ELAVL4: variants seen among roughly 807,000 people sequenced by gnomAD.
ELAVL4 encodes ELAV-like protein 4.
Under a neutral mutation model 35.6 loss-of-function variants are expected in ELAVL4, and 1 was observed. The ratio of observed to expected loss-of-function variants is 0.03; its 90% CI spans 0.01 to 0.13. ELAVL4 has a LOEUF of 0.13. Among genes scored for constraint, ELAVL4 ranks in the 10% least tolerant of loss-of-function variants. The pLI is 1.00. For synonymous variants in ELAVL4, 156 were observed against 171.0 expected (o/e 0.91, Z 0.69); for missense variants, 267 against 464.9 (o/e 0.57, Z 3.91).
intron 2 of ELAVL4, among the ~76,000 whole-genome samples, chr1:50,149,445 C>G (rs889569820): frequency 6.6e-6 from 1 of 151,540 alleles, no homozygotes; most frequent in Non-Finnish European, 1.5e-5. Flanking sequence ...ACAGTTTTGA[C>G]CTGCCTATTT....
intron 1 of ELAVL4, among the ~76,000 whole-genome samples, chr1:50,055,551 G>A (rs965548805): frequency 4.6e-5 from 7 of 151,880 alleles, no homozygotes; most frequent in South Asian, 2.1e-4. Context: ...CACCCGCCTC[G>A]GCCTCCCAAA....
chr1:50,177,567 T>C (rs1680263395), intron 3 of ELAVL4, among the ~76,000 whole-genome samples: 1 of 152,084 alleles, frequency 6.6e-6, no homozygotes. Flanking sequence ...GCTGTGAAAA[T>C]GTAAGACGTT....
chr1:50,071,178 C>T (rs1664500365), intron 1 of ELAVL4, among the ~76,000 whole-genome samples: 1 of 152,208 alleles, frequency 6.6e-6, no homozygotes, highest in Non-Finnish European at 1.5e-5. Flanking sequence ...ATCATTCTGC[C>T]TATCCACCTT....
intron 2 of ELAVL4, among the ~76,000 whole-genome samples, chr1:50,145,783 C>T (rs773949647): frequency 3.9e-5 from 6 of 152,110 alleles, no homozygotes; most frequent in Admixed American, 6.6e-5. Context: ...TCTGTCTGTT[C>T]GTTTTGAAGA....
intron 1 of ELAVL4, among the ~76,000 whole-genome samples, chr1:50,062,994 C>T (rs1664075424): frequency 6.6e-6 from 1 of 152,132 alleles, no homozygotes; most frequent in Admixed American, 6.5e-5. Context: ...GAACAAAAAG[C>T]ACAGTCTCTG....
chr1:50,098,023 G>A (rs1215029537), intron 1 of ELAVL4, among the ~76,000 whole-genome samples: 1 of 152,142 alleles, frequency 6.6e-6, no homozygotes, highest in African/African-American at 2.4e-5. Flanking sequence ...TGAACAAGAT[G>A]TAAGTTTTAA....
In ELAVL4 at chr1:50,067,983, A is replaced by G. The variant is rs562958299; in HGVS notation, c.18+19801A>G. Among the ~76,000 whole-genome samples, 8 of 152,290 alleles carry G rather than the reference A, an allele frequency of 5.3e-5. No homozygotes were observed. The South Asian group carries it at 1.2e-3, about 24-fold the overall frequency. Reference sequence around the variant, plus strand: ...TGCCGCCATGATTCAGTTACCTCCCACCGGGTCTCTCCCACAACACGTGGG... The same window carrying G: ...TGCCGCCATGATTCAGTTACCTCCCGCCGGGTCTCTCCCACAACACGTGGG... On this transcript the variant is annotated intron_variant, in intron 1 of 6. Transcript: ENST00000448907.
upstream of ELAVL4, among the ~76,000 whole-genome samples, chr1:50,099,577 A>AAAAG (rs1476747269): frequency 1.2e-4 from 18 of 151,438 alleles, no homozygotes; most frequent in African/African-American, 2.7e-4. Context: ...AAAAAAAAAA[A>AAAAG]AAAGAAAGAA....
At chr1:50,160,364 A>C (rs1203687795) in intron 2 of ELAVL4, among the ~76,000 whole-genome samples, 3 of 152,104 alleles carry the variant, frequency 2.0e-5, no homozygotes, top group Admixed American at 2.0e-4. Flanking sequence ...ATTTTGCCTT[A>C]TTTCCTACCT....
At chr1:50,118,686 T>G (rs2148577116) in intron 1 of ELAVL4, among the ~76,000 whole-genome samples, 1 of 152,042 alleles carries the variant, frequency 6.6e-6, no homozygotes, top group Middle Eastern at 3.4e-3. Flanking sequence ...AATTCACAAA[T>G]TGTTCTAAAT....
At chr1:50,098,709 T>C (rs1016949258) in intron 1 of ELAVL4, among the ~76,000 whole-genome samples, 7 of 152,212 alleles carry the variant, frequency 4.6e-5, no homozygotes, top group Admixed American at 3.3e-4. Context: ...AGTTAAATCA[T>C]TTCCCCAGCT....
chr1:50,121,707 T>A (rs1669069394), intron 1 of ELAVL4, among the ~76,000 whole-genome samples: 1 of 152,092 alleles, frequency 6.6e-6, no homozygotes, highest in Non-Finnish European at 1.5e-5. Flanking sequence ...ATCTCTAGTA[T>A]CTTCTGAGTT....
intron 2 of ELAVL4, among the ~76,000 whole-genome samples, chr1:50,159,693 T>C (rs1203720883): frequency 6.6e-6 from 1 of 152,118 alleles, no homozygotes; most frequent in South Asian, 2.1e-4. Flanking sequence ...AATGGCATAA[T>C]ATGGAGCATT....
chr1:50,183,618 C>T (rs781319284), intron 3 of ELAVL4, among the ~76,000 whole-genome samples: 8 of 152,166 alleles, frequency 5.3e-5, no homozygotes, highest in Non-Finnish European at 1.0e-4. Context: ...ACAGTGCCTC[C>T]GGGGGTCTTT....
upstream of ELAVL4, chr1:50,103,850 G>A: frequency 6.5e-7 from 1 of 1,530,532 alleles, no homozygotes; most frequent in South Asian, 1.2e-5. Context: ...CAGACAGCCG[G>A]AACAGGAGGA....
chr1:50,108,124 C>T (rs562602001), upstream of ELAVL4, among the ~76,000 whole-genome samples: 1 of 152,270 alleles, frequency 6.6e-6, no homozygotes, highest in East Asian at 1.9e-4. Flanking sequence ...TCCTATCCAA[C>T]TTGAAAAATA....
At chr1:50,145,473 C>A (rs1003761795) in intron 2 of ELAVL4, among the ~76,000 whole-genome samples, 2 of 152,090 alleles carry the variant, frequency 1.3e-5, no homozygotes, top group African/African-American at 4.8e-5. Flanking sequence ...CCATTCCTTC[C>A]CTTTGTTCTA....
At chr1:50,167,023 T>C (rs191433361) in intron 2 of ELAVL4, among the ~76,000 whole-genome samples, 1,919 of 152,170 alleles carry the variant, frequency 0.013, 28 homozygotes, top group Non-Finnish European at 0.016. Context: ...TCACTAGAGG[T>C]GATGGTGAGT....
intron 1 of ELAVL4, among the ~76,000 whole-genome samples, chr1:50,119,040 G>A (rs902883016): frequency 4.3e-5 from 2 of 46,330 alleles, no homozygotes; most frequent in South Asian, 6.4e-4. Flanking sequence ...GAAAGAAAAA[G>A]AAAGAAAGAA....
Sources: gnomAD v4.1 joint callset for allele counts (sites outside exome capture counted in the v4.1 genomes callset) on GRCh38, gnomAD v4.1.1 for gene constraint, MANE v1.5 for transcripts, NCBI Gene and HGNC (gene_info 2026-07-23, HGNC 2026-07-21) for gene names.